The following MMP20 variants were observed in gnomAD, a reference collection of about 807,000 sequenced individuals.
MMP20 encodes the protein matrix metallopeptidase 20.
MMP20 carries 50 observed loss-of-function variants against 51.8 expected under a neutral mutation model. The observed-to-expected ratio is 0.97, with a 90% CI of 0.77 to 1.22. The LOEUF (loss-of-function observed/expected upper bound fraction) is 1.22, where lower values mean the gene tolerates loss of function less well. MMP20 is among the 50% of genes most tolerant of loss of function. The pLI is 0.00. For missense variants in MMP20, 663 were observed against 601.4 expected (o/e 1.10, Z -1.07); for synonymous variants, 244 against 216.2 (o/e 1.13, Z -1.13).
intron 1 of MMP20, among the ~76,000 whole-genome samples, chr11:102,620,576 T>A (rs1257704745): frequency 6.6e-6 from 1 of 152,154 alleles, no homozygotes; most frequent in Non-Finnish European, 1.5e-5. Flanking sequence ...ATCTGACAGA[T>A]AAAAGTACAG....
intron 2 of MMP20, among the ~76,000 whole-genome samples, chr11:102,614,740 C>G (rs1042237411): frequency 2.0e-5 from 3 of 151,984 alleles, no homozygotes; most frequent in African/African-American, 4.8e-5. Flanking sequence ...GATTCTGGCC[C>G]CTCCTTTGAT....
At chr11:102,596,251 T>C (rs1859379331) in intron 6 of MMP20, among the ~76,000 whole-genome samples, 1 of 152,030 alleles carries the variant, frequency 6.6e-6, no homozygotes, top group African/African-American at 2.4e-5. Flanking sequence ...GATGATAAAA[T>C]CCAAAAAAGG....
intron 1 of MMP20, among the ~76,000 whole-genome samples, chr11:102,620,686 T>C (rs1359090131): frequency 3.9e-5 from 6 of 152,204 alleles, no homozygotes; most frequent in Admixed American, 2.6e-4. Context: ...ACTTAAGAGT[T>C]TAAAACTCAG....
chr11:102,625,077 G>A (rs539380086), intron 1 of MMP20, 117 bp downstream of exon 1: 3 of 1,356,560 alleles, frequency 2.2e-6, no homozygotes, highest in East Asian at 2.4e-5. Flanking sequence ...GACTTCAATG[G>A]ACTTATATAA....
At chr11:102,615,611 C>T (rs1859659817) in intron 2 of MMP20, among the ~76,000 whole-genome samples, 1 of 152,198 alleles carries the variant, frequency 6.6e-6, no homozygotes, top group Non-Finnish European at 1.5e-5. Context: ...GTCCAAACTC[C>T]TTGACATCAC....
chr11:102,589,168 T>C (rs1859286629), intron 8 of MMP20, among the ~76,000 whole-genome samples: 3 of 152,154 alleles, frequency 2.0e-5, no homozygotes, highest in Non-Finnish European at 4.4e-5. Context: ...TACTGAACTG[T>C]TTGAGGTTTT....
At chr11:102,578,798 C>A (rs1283258498) in intron 9 of MMP20, among the ~76,000 whole-genome samples, 1 of 123,848 alleles carries the variant, frequency 8.1e-6, no homozygotes, top group Non-Finnish European at 1.7e-5. Context: ...CACACAAAAA[C>A]AAAAACAAAC....
At chr11:102,598,109 T>A (rs1859403981) in intron 6 of MMP20, among the ~76,000 whole-genome samples, 1 of 152,104 alleles carries the variant, frequency 6.6e-6, no homozygotes, top group African/African-American at 2.4e-5. Context: ...CATGAAAAAT[T>A]TCAGTAAACT....
chr11:102,585,230 A>T (rs1239928324), intron 8 of MMP20, among the ~76,000 whole-genome samples: 2 of 152,174 alleles, frequency 1.3e-5, no homozygotes, highest in Admixed American at 1.3e-4. Flanking sequence ...ATCCTCATCC[A>T]TGAACATGAG....
rs759612803 is a variant in MMP20, at chr11:102,616,850, A to G, written c.336T>C (p.Pro112=). The G allele has an allele frequency of 6.2e-7, 1 of 1,614,240 alleles. No homozygotes were observed. The highest frequency in any genetic ancestry group is 8.5e-7 in the Non-Finnish European group (1 of 1,180,044). ...VPDVANYRLF[P]GEPKWKKNTL... ...TATTTTTTTTCCATTTGGGTTCACC[A>G]GGGAAGAGGCGATAATTGGCCACAT... Residue 112 remains proline (P), a synonymous_variant, in exon 2 of 10, where the codon CCT becomes CCC. Coordinates refer to ENST00000260228, the MANE Select transcript of MMP20 (RefSeq NM_004771.4).
chr11:102,584,273 A>G (rs1242904247), intron 8 of MMP20, among the ~76,000 whole-genome samples: 1 of 152,160 alleles, frequency 6.6e-6, no homozygotes, highest in Non-Finnish European at 1.5e-5. Context: ...TGATTTCTCC[A>G]TATTCTCACC....
chr11:102,614,213 T>G (rs1418592204), intron 2 of MMP20, among the ~76,000 whole-genome samples: 1 of 152,248 alleles, frequency 6.6e-6, no homozygotes, highest in African/African-American at 2.4e-5. Flanking sequence ...CCAAAGCTTA[T>G]GCATATAAGC....
At chr11:102,613,622 C>A (rs930651377) in intron 2 of MMP20, among the ~76,000 whole-genome samples, 1 of 152,052 alleles carries the variant, frequency 6.6e-6, no homozygotes, top group African/African-American at 2.4e-5. Context: ...CAATGAGAAA[C>A]CAACAGCAGT....
intron 3 of MMP20, 118 bp from the exon 4 acceptor site, chr11:102,610,148 G>T (rs558429038): frequency 2.6e-4 from 298 of 1,148,550 alleles, no homozygotes; most frequent in Non-Finnish European, 3.6e-4. Context: ...TCACTTTTCA[G>T]TATTTATTTG....
intron 2 of MMP20, among the ~76,000 whole-genome samples, chr11:102,614,850 T>C (rs1405093079): frequency 2.6e-5 from 4 of 151,974 alleles, no homozygotes; most frequent in Non-Finnish European, 5.9e-5. Flanking sequence ...ATTTCTGTGT[T>C]GTAAATATTC....
At chr11:102,583,816 C>T (rs1445297963) in intron 8 of MMP20, among the ~76,000 whole-genome samples, 1 of 152,198 alleles carries the variant, frequency 6.6e-6, no homozygotes, top group Admixed American at 6.5e-5. Context: ...CTCAACCAGA[C>T]CTAGACAATC....
intron 8 of MMP20, among the ~76,000 whole-genome samples, chr11:102,580,532 T>C (rs1207947911): frequency 6.6e-6 from 1 of 152,238 alleles, no homozygotes; most frequent in Non-Finnish European, 1.5e-5. Flanking sequence ...AAAGATGTAC[T>C]CAGGCTGAAA....
chr11:102,623,413 C>G (rs905255482), intron 1 of MMP20, among the ~76,000 whole-genome samples: 1 of 152,158 alleles, frequency 6.6e-6, no homozygotes, highest in African/African-American at 2.4e-5. Context: ...GGAGCAGAAC[C>G]CTATTGTGAA....
chr11:102,591,937 A>G (rs1859321996), intron 8 of MMP20, among the ~76,000 whole-genome samples: 1 of 152,210 alleles, frequency 6.6e-6, no homozygotes, highest in East Asian at 1.9e-4. Context: ...ATCAGGTGAT[A>G]AATGGGCAAG....
Sources: gnomAD v4.1 joint callset for allele counts (sites outside exome capture counted in the v4.1 genomes callset) on GRCh38, gnomAD v4.1.1 for gene constraint, MANE v1.5 for transcripts, NCBI Gene and HGNC (gene_info 2026-07-23, HGNC 2026-07-21) for gene names.